EXT2: variants seen among roughly 807,000 people sequenced by gnomAD.
The protein encoded by EXT2 is exostosin glycosyltransferase 2, also known as exostosin-2.
In EXT2, 53 loss-of-function variants were observed where a neutral mutation model predicts 81.6. The ratio of observed to expected loss-of-function variants is 0.65; its 90% CI spans 0.52 to 0.82. EXT2 has a LOEUF of 0.82. EXT2 is among the 40% of genes least tolerant of loss of function. The pLI is 0.00. For synonymous variants in EXT2, 320 were observed against 340.0 expected (o/e 0.94, Z 0.65); for missense variants, 774 against 910.2 (o/e 0.85, Z 1.93).
intron 4 of EXT2, 74 bp from the exon 5 acceptor site, chr11:44,124,715 A>T: frequency 7.8e-7 from 1 of 1,285,964 alleles, no homozygotes; most frequent in Non-Finnish European, 1.1e-6. Flanking sequence ...TCATAAGTTT[A>T]ATATCAAAGT....
chr11:44,240,069 A>G (rs988147298), intron 13 of EXT2, among the ~76,000 whole-genome samples: 4 of 151,586 alleles, frequency 2.6e-5, no homozygotes, highest in Non-Finnish European at 5.9e-5. Flanking sequence ...ACATGAAAAA[A>G]CTCTGTACAT....
intron 7 of EXT2, among the ~76,000 whole-genome samples, chr11:44,145,378 A>G (rs1472041370): frequency 1.3e-5 from 2 of 152,182 alleles, no homozygotes; most frequent in Non-Finnish European, 1.5e-5. Context: ...TTATAATACT[A>G]CTTTTAGCAG....
At chr11:44,239,901 G>T (rs944624399) in intron 13 of EXT2, among the ~76,000 whole-genome samples, 2 of 151,878 alleles carry the variant, frequency 1.3e-5, no homozygotes, top group Non-Finnish European at 2.9e-5. Flanking sequence ...CAATCTTCAC[G>T]CATGCGCAAG....
intron 3 of EXT2, among the ~76,000 whole-genome samples, chr11:44,110,321 T>A (rs1954125077): frequency 1.3e-5 from 2 of 152,322 alleles, no homozygotes; most frequent in South Asian, 4.1e-4. Context: ...TCTGGAAATA[T>A]AATTATAACT....
At chr11:44,206,683 AG>A in intron 9 of EXT2, 109 bp from the exon 10 acceptor site, 1 of 1,132,300 alleles carries the variant, frequency 8.8e-7, no homozygotes, top group Admixed American at 1.9e-5. Context: ...ATTTGATGAG[AG>A]CCGTGGATAC....
intron 7 of EXT2, among the ~76,000 whole-genome samples, chr11:44,136,290 T>C (rs1258564346): frequency 6.6e-6 from 1 of 152,164 alleles, no homozygotes; most frequent in Non-Finnish European, 1.5e-5. Flanking sequence ...AGTAGTAAGC[T>C]AGGCCATTAG....
At position 44,237,942 on chromosome 11, in the gene EXT2, A is replaced by G. The variant is rs190923700; in HGVS notation, c.2018+1567A>G. Among the ~76,000 whole-genome samples, 39 of 145,208 alleles carry G rather than the reference A, an allele frequency of 2.7e-4. No homozygotes were observed. The East Asian group carries it at 7.9e-3, about 30-fold the overall frequency. ...AAAAAAAAAAAAAACATACAAAGTT[A>G]GCTGGGTGTGGTGGCGCATGCCTGT... On this transcript the variant is annotated intron_variant, in intron 13 of 13. Coordinates refer to ENST00000533608, the MANE Select transcript of EXT2 (RefSeq NM_207122.2).
chr11:44,122,168 G>A (rs984573848), intron 4 of EXT2, among the ~76,000 whole-genome samples: 7 of 152,100 alleles, frequency 4.6e-5, no homozygotes, highest in African/African-American at 1.7e-4. Flanking sequence ...AAGAGCCAGC[G>A]TCTTATTGTT....
chr11:44,219,667 C>A (rs1955761486), intron 10 of EXT2, among the ~76,000 whole-genome samples: 1 of 152,154 alleles, frequency 6.6e-6, no homozygotes, highest in Admixed American at 6.5e-5. Context: ...AGGAGGGTCT[C>A]TGCAGAAGGG....
chr11:44,114,985 C>T (rs1170094056), intron 4 of EXT2, among the ~76,000 whole-genome samples: 4 of 152,172 alleles, frequency 2.6e-5, no homozygotes, highest in Non-Finnish European at 5.9e-5. Context: ...TAACATCCTG[C>T]TTGTGCCTTA....
intron 8 of EXT2, among the ~76,000 whole-genome samples, chr11:44,184,480 G>A (rs1344345806): frequency 6.6e-6 from 1 of 152,124 alleles, no homozygotes; most frequent in African/African-American, 2.4e-5. Flanking sequence ...GGCCGGGCGC[G>A]GTGGCTCACG....
chr11:44,143,751 A>G (rs933900254), intron 7 of EXT2, among the ~76,000 whole-genome samples: 2 of 152,272 alleles, frequency 1.3e-5, no homozygotes, highest in South Asian at 4.2e-4. Flanking sequence ...ACGATTCTCA[A>G]TGTCATTTTT....
intron 13 of EXT2, among the ~76,000 whole-genome samples, chr11:44,241,681 A>C (rs1956039172): frequency 6.6e-6 from 1 of 152,214 alleles, no homozygotes; most frequent in Non-Finnish European, 1.5e-5. Flanking sequence ...TCATCACTTC[A>C]GAGAGAGTCA....
chr11:44,200,088 C>G (rs11037899), intron 9 of EXT2, among the ~76,000 whole-genome samples: 2,428 of 151,398 alleles, frequency 0.016, 64 homozygotes, highest in African/African-American at 0.056. Flanking sequence ...GCTGTCAGCT[C>G]TGGTCCGCAT....
At chr11:44,239,939 G>A (rs1195357241) in intron 13 of EXT2, among the ~76,000 whole-genome samples, 1 of 152,036 alleles carries the variant, frequency 6.6e-6, no homozygotes, top group East Asian at 1.9e-4. Context: ...CCTAGGATTT[G>A]CATATAACCT....
At chr11:44,135,957 C>G (rs957395190) in intron 7 of EXT2, among the ~76,000 whole-genome samples, 1 of 152,200 alleles carries the variant, frequency 6.6e-6, no homozygotes, top group African/African-American at 2.4e-5. Flanking sequence ...ACAGAAATTA[C>G]TATTCATGGT....
chr11:44,141,010 T>A (rs1455819331), intron 7 of EXT2, among the ~76,000 whole-genome samples: 1 of 152,182 alleles, frequency 6.6e-6, no homozygotes, highest in East Asian at 1.9e-4. Flanking sequence ...ATATACTGAT[T>A]CATTTTATTA....
rs944273202 is a variant in EXT2 at position 44,126,721 on chromosome 11, G to C, written c.940-95G>C. On this transcript the variant is annotated intron_variant, in intron 5 of 13. Coordinates refer to ENST00000533608, the MANE Select transcript of EXT2 (RefSeq NM_207122.2). ...TCAAGATGCCTCAGTATTGCTTGGC[G>C]TCAACCCTTGTAGAAACTTTGTGGT... 4 of 1,539,026 alleles carry C rather than the reference G, an allele frequency of 2.6e-6. No individual in the cohort carries two copies. In the African/African-American group the frequency reaches 5.4e-5, roughly 21 times the overall value.
rs11037873 is a variant in EXT2 at position 44,121,167 on chromosome 11, A to C, written c.744-3622A>C. ...GGGGTGGGAGCTTCTGCTTAAGAGA[A>C]GAGTAGTAAGGTAGCCTGGTGCTAC... On this transcript the variant is annotated intron_variant, in intron 4 of 13. Transcript: ENST00000533608. 0.021 allele frequency among the ~76,000 whole-genome samples: 3,127 copies of C among 152,290 alleles called. 253 individuals are homozygous for C. In the East Asian group the frequency reaches 0.28, roughly 14 times the overall value.
Sources: gnomAD v4.1 joint callset for allele counts (sites outside exome capture counted in the v4.1 genomes callset) on GRCh38, gnomAD v4.1.1 for gene constraint, MANE v1.5 for transcripts, NCBI Gene and HGNC (gene_info 2026-07-23, HGNC 2026-07-21) for gene names.